UPP1: variants seen among roughly 807,000 people sequenced by gnomAD.
The protein encoded by UPP1 is uridine phosphorylase 1, also known as UPase 1.
Under a neutral mutation model 29.6 loss-of-function variants are expected in UPP1, and 25 were observed. The ratio of observed to expected loss-of-function variants is 0.85; its 90% CI spans 0.62 to 1.18. UPP1 has a LOEUF of 1.18. UPP1 is among the 50% of genes most tolerant of loss of function. UPP1 has a pLI of 0.00. For missense variants in UPP1, 368 were observed against 410.4 expected, an observed-to-expected ratio of 0.90 and a Z score of 0.89; for synonymous variants, 165 against 159.8, an observed-to-expected ratio of 1.03 and a Z score of -0.25.
chr7:48,107,706 A>T (rs949049819), intron 8 of UPP1, among the ~76,000 whole-genome samples, 199 bp downstream of exon 8: 2 of 152,172 alleles, frequency 1.3e-5, no homozygotes, highest in Non-Finnish European at 2.9e-5. Context: ...CCCTGACAAA[A>T]TGCAGGATTC....
At chr7:48,101,783 T>G (rs754714530) in intron 4 of UPP1, 41 bp from the exon 5 acceptor site, 2 of 1,604,474 alleles carry the variant, frequency 1.2e-6, no homozygotes, top group South Asian at 1.1e-5. Context: ...ACCTCTGCTA[T>G]AGACAGTGCA....
intron 2 of UPP1, among the ~76,000 whole-genome samples, chr7:48,091,777 A>C (rs1463189731): frequency 6.6e-6 from 1 of 152,172 alleles, no homozygotes; most frequent in Non-Finnish European, 1.5e-5. Flanking sequence ...AAGATTGCAA[A>C]GGGAAAGAGA....
intron 1 of UPP1, 144 bp downstream of exon 1, chr7:48,089,562 G>A (rs1333738362): frequency 6.5e-6 from 1 of 153,780 alleles, no homozygotes; most frequent in Non-Finnish European, 1.4e-5. Flanking sequence ...GAGGAGCAGA[G>A]AGCGGCCCGG....
chr7:48,098,821 G>A (rs1002108467), intron 3 of UPP1, among the ~76,000 whole-genome samples: 2 of 152,162 alleles, frequency 1.3e-5, no homozygotes, highest in African/African-American at 4.8e-5. Context: ...GACTCAGAAG[G>A]CATACATTGT....
intron 3 of UPP1, among the ~76,000 whole-genome samples, chr7:48,098,695 C>T (rs907922531): frequency 2.0e-5 from 3 of 152,194 alleles, no homozygotes; most frequent in East Asian, 1.9e-4. Flanking sequence ...GACATGACCA[C>T]GGGGTTCAGG....
In UPP1 at chr7:48,103,199, T is replaced by C. The variant is rs140289335; in HGVS notation, c.322-98T>C. 2.6e-3 allele frequency: 2,175 copies of C among 842,802 alleles called. 10 individuals carry two copies. The highest frequency in any genetic ancestry group is 3.8e-3 in the Non-Finnish European group (1,891 of 497,122). The allele number at this position is 842,802 out of a possible 1,614,324, so 52.2% of individuals were successfully genotyped here. A position where few individuals can be genotyped will look rare whatever the true frequency, so the allele number is the denominator to read the frequency against. ...AGTTTATCTTTCATCACTATGTCAATGGGCATGTTAGATTGAATTACATCA... is the reference window on the plus strand; with the variant it reads ...AGTTTATCTTTCATCACTATGTCAACGGGCATGTTAGATTGAATTACATCA... On this transcript the variant is annotated intron_variant, in intron 5 of 8. Coordinates refer to ENST00000395564, the MANE Select transcript of UPP1 (RefSeq NM_003364.4).
chr7:48,095,456 GC>G (rs1460010457), intron 3 of UPP1, among the ~76,000 whole-genome samples: 1 of 151,878 alleles, frequency 6.6e-6, no homozygotes, highest in African/African-American at 2.4e-5. Context: ...GTGACCTCTG[GC>G]CCCCCTTGCT....
chr7:48,101,491 GC>G (rs1221545731), intron 4 of UPP1, among the ~76,000 whole-genome samples: 2 of 152,064 alleles, frequency 1.3e-5, no homozygotes, highest in African/African-American at 4.8e-5. Context: ...TCAAACCCAG[GC>G]TGTCTCCACA....
At position 48,107,410 on chromosome 7, in the gene UPP1, G is replaced by A; in HGVS notation, c.696G>A (p.Lys232=). 1.2e-6 allele frequency: 2 copies of A among 1,614,190 alleles called. No individual in the cohort carries two copies. The highest frequency in any genetic ancestry group is 1.7e-6 in the Non-Finnish European group (2 of 1,180,018). Residue 232 remains lysine (K), a synonymous_variant, in exon 8 of 9, where the codon AAG becomes AAA. Coordinates refer to ENST00000395564, the MANE Select transcript of UPP1 (RefSeq NM_003364.4). ...GALCSYTEKD[K]QAYLEAAYAA... is the part of the protein sequence containing the mutation. ...TCTGCTCCTACACGGAGAAGGACAA[G>A]CAGGCGTATCTGGAGGCAGCCTATG...
chr7:48,107,673 C>CT (rs1164372341), intron 8 of UPP1, among the ~76,000 whole-genome samples, 166 bp downstream of exon 8: 2 of 152,200 alleles, frequency 1.3e-5, no homozygotes, highest in African/African-American at 4.8e-5. Flanking sequence ...CACCACAATG[C>CT]TGTTCAATGT....
At position 48,108,141 on chromosome 7, in the gene UPP1, C is replaced by G. The variant is rs548092642; in HGVS notation, c.794-77C>G. The G allele has an allele frequency of 3.8e-6, 6 of 1,559,482 alleles. No homozygotes were observed. The East Asian group carries it at 6.8e-5, about 18-fold the overall frequency. ...GGCAGAGAGGCTGCTCCTCAGAGCT[C>G]GTGGGTTCTTCATCCCGTCCCTGTG... is the stretch of plus-strand genomic sequence containing the variant. On this transcript the variant is annotated intron_variant, in intron 8 of 8. Coordinates refer to ENST00000395564, the MANE Select transcript of UPP1 (RefSeq NM_003364.4).
chr7:48,104,791 G>A (rs1792639257), intron 6 of UPP1: 1 of 152,196 alleles, frequency 6.6e-6, no homozygotes, highest in African/African-American at 2.4e-5. Flanking sequence ...CTGCCCACCT[G>A]ACACAGCTGT....
chr7:48,098,721 C>T (rs1414710228), intron 3 of UPP1, among the ~76,000 whole-genome samples: 1 of 152,142 alleles, frequency 6.6e-6, no homozygotes, highest in East Asian at 1.9e-4. Context: ...AAGTCAGACT[C>T]AGAAGGAAGA....
Position 48,107,073 on chromosome 7 carries a change from T to G in UPP1, c.637T>G (p.Phe213Val), listed in dbSNP as rs1187604370. The G allele has an allele frequency of 1.9e-6, 3 of 1,611,860 alleles. No homozygotes were observed. The highest frequency in any genetic ancestry group is 2.7e-5 in the African/African-American group (2 of 74,860). The stretch of plus-strand genomic sequence containing the variant: ...GGGGAACACCATGTGCACCTTGGAC[T>G]TCTATGAAGGTGAGGCAGCGGATAC... ...VVGNTMCTLD[F>V]YEGQGRLDGA... Residue 213 changes from phenylalanine to valine, a missense_variant, in exon 7 of 9, where the codon TTC becomes GTC. Coordinates refer to ENST00000395564, the MANE Select transcript of UPP1 (RefSeq NM_003364.4).
At chr7:48,107,561 C>A in intron 8 of UPP1, 54 bp downstream of exon 8, 1 of 1,530,818 alleles carries the variant, frequency 6.5e-7, no homozygotes, top group South Asian at 1.3e-5. Flanking sequence ...CTTCTGCTCT[C>A]CTGGAGCCCC....
intron 5 of UPP1, among the ~76,000 whole-genome samples, chr7:48,102,578 T>C (rs372681444): frequency 6.6e-6 from 1 of 152,228 alleles, no homozygotes; most frequent in East Asian, 1.9e-4. Flanking sequence ...AACTAGAACA[T>C]ATCAGGGAGC....
Position 48,098,552 on chromosome 7 carries a change from G to A in UPP1, c.45-1118G>A, listed in dbSNP as rs907961838. The stretch of plus-strand genomic sequence containing the variant: ...ATATAGATAAGGTGTAACAAGCATC[G>A]TGTGGGGAGAGAATGGACAATGTCT... On this transcript the variant is annotated intron_variant, in intron 3 of 8. Coordinates refer to ENST00000395564, the MANE Select transcript of UPP1 (RefSeq NM_003364.4). 4.6e-5 allele frequency among the ~76,000 whole-genome samples: 7 copies of A among 152,158 alleles called. 1 individual carries two copies. Among genetic ancestry groups the A allele is most frequent in the Admixed American group, 2.0e-4 (3 of 15,278 alleles).
intron 3 of UPP1, among the ~76,000 whole-genome samples, chr7:48,098,591 A>G (rs905695368): frequency 2.1e-4 from 32 of 152,210 alleles, no homozygotes; most frequent in African/African-American, 7.7e-4. Flanking sequence ...AGGGGGGTGC[A>G]TCCCTTATTT....
rs536125122 is a variant in UPP1, at chr7:48,098,037, C to T, written c.45-1633C>T. Among the ~76,000 whole-genome samples, 85 of 152,288 alleles carry T rather than the reference C, an allele frequency of 5.6e-4. 4 individuals are homozygous for T. The South Asian group carries it at 0.017, about 30-fold the overall frequency. ...GTGGCTCTGTGCTTCAGGCAGGCTGCTGTGCCTTCCTGAGCAGGGTTTTCA... is the reference window on the plus strand; with the variant it reads ...GTGGCTCTGTGCTTCAGGCAGGCTGTTGTGCCTTCCTGAGCAGGGTTTTCA... On this transcript the variant is annotated intron_variant, in intron 3 of 8. Transcript: ENST00000395564.
Sources: allele counts gnomAD v4.1 joint callset (sites outside exome capture counted in the v4.1 genomes callset), GRCh38; gene constraint gnomAD v4.1.1; transcripts MANE v1.5; gene names NCBI Gene and HGNC (gene_info 2026-07-23, HGNC 2026-07-21).